Variants in GEMIN5 observed in about 807,000 individuals in gnomAD.
GEMIN5 encodes the protein gem-associated protein 5.
In GEMIN5, 124 loss-of-function variants were observed where a neutral mutation model predicts 176.9. The observed-to-expected ratio is 0.70, with a 90% confidence interval of 0.61 to 0.81. GEMIN5 has a LOEUF of 0.81. Ranked by LOEUF, GEMIN5 falls within the 40% of genes least tolerant of loss-of-function variation. The probability of loss-of-function intolerance (pLI) is 0.00; values close to 1 mark genes in which losing one functional copy is unlikely to be tolerated. For missense variants in GEMIN5, 1,843 were observed against 1,814.6 expected (o/e 1.02, Z -0.28); for synonymous variants, 673 against 665.2 (o/e 1.01, Z -0.18).
chr5:154,897,799 A>T (rs995275971), intron 23 of GEMIN5, among the ~76,000 whole-genome samples: 25 of 151,866 alleles, frequency 1.6e-4, no homozygotes, highest in Non-Finnish European at 2.6e-4. Flanking sequence ...GAGTTCCATG[A>T]TTTCTGTTAG....
At chr5:154,929,599 A>G (rs1206204120) in intron 5 of GEMIN5, among the ~76,000 whole-genome samples, 1 of 152,242 alleles carries the variant, frequency 6.6e-6, no homozygotes, top group East Asian at 1.9e-4. Context: ...AAGACTCTCC[A>G]GCTGATTCTG....
intron 9 of GEMIN5, among the ~76,000 whole-genome samples, chr5:154,922,773 C>T (rs1422269431): frequency 5.0e-5 from 6 of 119,484 alleles, no homozygotes; most frequent in South Asian, 3.2e-4. Flanking sequence ...CTCGGCTCAC[C>T]GCAACCTCCG....
At chr5:154,902,008 C>T (rs1245669902) in intron 20 of GEMIN5, among the ~76,000 whole-genome samples, 2 of 152,052 alleles carry the variant, frequency 1.3e-5, no homozygotes, top group Non-Finnish European at 2.9e-5. Context: ...TGCCATGTTG[C>T]CTAGGCTGGT....
intron 4 of GEMIN5, 48 bp downstream of exon 4, chr5:154,932,050 TG>T (rs761376640): frequency 7.5e-7 from 1 of 1,339,382 alleles, no homozygotes; most frequent in Non-Finnish European, 1.0e-6. Flanking sequence ...GTACCCGTTC[TG>T]TTCTTCAGGT....
intron 24 of GEMIN5, 115 bp downstream of exon 24, chr5:154,895,977 A>T: frequency 1.6e-6 from 2 of 1,255,026 alleles, no homozygotes; most frequent in Non-Finnish European, 2.3e-6. Context: ...GCCATGCCTT[A>T]GCCTTTTCTG....
Position 154,932,113 on chromosome 5 carries a change from T to C in GEMIN5, c.647A>G (p.Gln216Arg), listed in dbSNP as rs753494679. ...LPGEDCLSINQEETSEEAEIT... is the reference protein window; with the variant it reads ...LPGEDCLSINREETSEEAEIT... ...ACCATCTCTACCTGAAGTTTCCTCT[T>C]GGTTTATAGATAAACAATCTTCACC... Residue 216 changes from glutamine to arginine, a missense_variant, in exon 4 of 28, where the codon CAA becomes CGA. Gln to Arg is a conservative substitution (Grantham distance 43, BLOSUM62 1). Transcript: ENST00000285873. 1 of 1,612,770 alleles carries C rather than the reference T, an allele frequency of 6.2e-7. No homozygotes were observed. Among genetic ancestry groups the C allele is most frequent in the Admixed American group, 1.7e-5 (1 of 59,688 alleles).
chr5:154,907,532 G>T, intron 16 of GEMIN5, 59 bp downstream of exon 16: 2 of 1,219,014 alleles, frequency 1.6e-6, no homozygotes, highest in Non-Finnish European at 2.4e-6. Context: ...TAAGGACCTA[G>T]CTTAGTTTCC....
intron 7 of GEMIN5, among the ~76,000 whole-genome samples, chr5:154,926,942 C>T (rs1377736567): frequency 1.3e-5 from 2 of 151,878 alleles, no homozygotes; most frequent in Admixed American, 6.6e-5. Context: ...CCTAGCTACT[C>T]GAGAGGCTGA....
intron 15 of GEMIN5, among the ~76,000 whole-genome samples, chr5:154,910,703 C>CT (rs953269493): frequency 1.3e-5 from 2 of 151,990 alleles, no homozygotes; most frequent in South Asian, 2.1e-4. Context: ...CTTACTTTCT[C>CT]TTTTTTTTGT....
chr5:154,896,118 C>G lies in GEMIN5; in HGVS notation c.3571G>C (p.Ala1191Pro). 6.2e-7 allele frequency: 1 copy of G among 1,613,600 alleles called. No homozygotes were observed. The highest frequency in any genetic ancestry group is 1.7e-5 in the Admixed American group (1 of 59,928). The change falls in exon 24 of 28, where the codon GCT becomes CCT. Residue 1191 changes from alanine to proline, a missense_variant. By Grantham distance (27) the Ala-to-Pro change is conservative. Transcript: ENST00000285873. ...TGTTTGGCAGGTGTGTTATTTGTAG[C>G]AGATGGGTACTTGATGTTCTGCAGC... ...QKLQNIKYPS[A>P]TNNTPAKQLL...
chr5:154,931,952 G>A, intron 4 of GEMIN5, 147 bp downstream of exon 4: 1 of 653,820 alleles, frequency 1.5e-6, no homozygotes, highest in Non-Finnish European at 2.6e-6. Flanking sequence ...GGCGGAGGTT[G>A]CGGTGAGCCG....
chr5:154,928,764 G>T, intron 5 of GEMIN5, 105 bp from the exon 6 acceptor site: 1 of 937,360 alleles, frequency 1.1e-6, no homozygotes, highest in Non-Finnish European at 1.7e-6. Flanking sequence ...AAGCTTGTTA[G>T]TTTGGCTACT....
At position 154,903,834 on chromosome 5, in the gene GEMIN5, A is replaced by T. The variant is rs186976040; in HGVS notation, c.2633-659T>A. Among the ~76,000 whole-genome samples, 1,461 of 149,998 alleles carry T rather than the reference A, an allele frequency of 9.7e-3. 17 individuals are homozygous for T. The highest frequency in any genetic ancestry group is 0.03 in the African/African-American group (1,239 of 40,986). On this transcript the variant is annotated intron_variant, in intron 18 of 27. Coordinates refer to ENST00000285873, the MANE Select transcript of GEMIN5 (RefSeq NM_015465.5). ...ACTTTGAAAAAAAAATTAAAAAAAAATTTTTTTTTTTAAATAGAGAGAGGG... is the reference window on the plus strand; with the variant it reads ...ACTTTGAAAAAAAAATTAAAAAAAATTTTTTTTTTTTAAATAGAGAGAGGG...
intron 2 of GEMIN5, 103 bp downstream of exon 2, chr5:154,936,922 A>G: frequency 1.2e-6 from 1 of 832,656 alleles, no homozygotes; most frequent in South Asian, 2.0e-5. Context: ...GAACACAATT[A>G]CAAGTTACTT....
chr5:154,891,231 C>T lies in GEMIN5; in HGVS notation c.4262+10G>A. The stretch of plus-strand genomic sequence containing the variant: ...TTTTCATTCCGTCTTGTACTTGCCT[C>T]AGTACTTACCACTGGCTCTGAGAAC... On this transcript the variant is annotated intron_variant, in intron 26 of 27. Coordinates refer to ENST00000285873, the MANE Select transcript of GEMIN5 (RefSeq NM_015465.5). 1.2e-6 allele frequency: 2 copies of T among 1,609,696 alleles called. No homozygotes were observed. Among genetic ancestry groups the T allele is most frequent in the African/African-American group, 1.3e-5 (1 of 74,740 alleles).
chr5:154,894,364 G>A (rs1042631286), intron 24 of GEMIN5, among the ~76,000 whole-genome samples: 1 of 152,192 alleles, frequency 6.6e-6, no homozygotes, highest in Non-Finnish European at 1.5e-5. Context: ...GCACTAAGCT[G>A]CTGTAAACAT....
chr5:154,935,881 G>T lies in GEMIN5; in HGVS notation c.469C>A (p.Leu157Ile), dbSNP rs749541178. The change falls in exon 3 of 28, where the codon CTT becomes ATT. Residue 157 changes from leucine to isoleucine, a missense_variant. Leu to Ile is a conservative substitution (Grantham distance 5, BLOSUM62 2). Coordinates refer to ENST00000285873, the MANE Select transcript of GEMIN5 (RefSeq NM_015465.5). ...LFIEPRTIFC[L>I]TCSPHHEDLV... ...TCTTCATGATGAGGTGAACAAGTAA[G>T]ACAGAAAATTGTCCTGGGTTCTATA... 1.2e-6 allele frequency: 2 copies of T among 1,613,710 alleles called. No individual in the cohort carries two copies. The highest frequency in any genetic ancestry group is 1.7e-6 in the Non-Finnish European group (2 of 1,179,660).
Position 154,891,587 on chromosome 5 carries a change from C to A in GEMIN5, c.3916G>T (p.Gly1306Cys). Reference protein sequence around the residue: ...CPNSSVWVRAGHRTLSVEPSQ... With the variant: ...CPNSSVWVRACHRTLSVEPSQ... ...GGCTCAACAGAGAGTGTTCTGTGACCAGCCCTTACCCAGACACTGGAATTT... is the reference window on the plus strand; with the variant it reads ...GGCTCAACAGAGAGTGTTCTGTGACAAGCCCTTACCCAGACACTGGAATTT... Residue 1306 changes from glycine (G) to cysteine (C), a missense_variant, in exon 26 of 28, where the codon GGT (glycine) becomes TGT (cysteine). Transcript: ENST00000285873. 1 of 1,614,072 alleles carries A rather than the reference C, an allele frequency of 6.2e-7. No individual in the cohort carries two copies. The highest frequency in any genetic ancestry group is 8.5e-7 in the Non-Finnish European group (1 of 1,179,998).
chr5:154,892,715 T>A, intron 24 of GEMIN5, 166 bp from the exon 25 acceptor site: 2 of 620,710 alleles, frequency 3.2e-6, no homozygotes, highest in South Asian at 4.1e-5. Flanking sequence ...CATCGGAAAC[T>A]CTCATGTCTA....
Sources: allele counts gnomAD v4.1 joint callset (sites outside exome capture counted in the v4.1 genomes callset), GRCh38; gene constraint gnomAD v4.1.1; transcripts MANE v1.5; gene names NCBI Gene and HGNC (gene_info 2026-07-23, HGNC 2026-07-21).